The following AKAP6 variants were observed in gnomAD, a reference collection of about 807,000 sequenced individuals.
The protein encoded by AKAP6 is A-kinase anchoring protein 6.
A neutral mutation model predicts 188.5 loss-of-function variants in AKAP6; 58 were observed. The ratio of observed to expected loss-of-function variants is 0.31; its 90% CI spans 0.25 to 0.38. The LOEUF is 0.38. Among genes scored for constraint, AKAP6 ranks in the 10% least tolerant of loss-of-function variants. The probability of loss-of-function intolerance (pLI) is 1.00; values close to 1 mark genes in which losing one functional copy is unlikely to be tolerated. For synonymous variants in AKAP6, 989 were observed against 998.6 expected (o/e 0.99, Z 0.18); for missense variants, 2,710 against 2,740.0 (o/e 0.99, Z 0.24).
chr14:32,331,692 G>GGTGT (rs3837670), intron 1 of AKAP6, among the ~76,000 whole-genome samples: 3 of 151,610 alleles, frequency 2.0e-5, no homozygotes, highest in Non-Finnish European at 4.4e-5. Flanking sequence ...AGGGGTAGAT[G>GGTGT]GTGTGTGTGT....
At chr14:32,456,256 T>G (rs1443347369) in intron 2 of AKAP6, among the ~76,000 whole-genome samples, 1 of 152,224 alleles carries the variant, frequency 6.6e-6, no homozygotes, top group Non-Finnish European at 1.5e-5. Flanking sequence ...ATTTTAATGC[T>G]GAGCAGTCTT....
chr14:32,684,188 C>T (rs986727903), intron 8 of AKAP6, among the ~76,000 whole-genome samples: 1 of 138,820 alleles, frequency 7.2e-6, no homozygotes, highest in Non-Finnish European at 1.5e-5. Context: ...ACATTAAGGA[C>T]AGTGTGGTAA....
chr14:32,498,491 T>C (rs571216590), intron 2 of AKAP6, among the ~76,000 whole-genome samples: 1 of 152,310 alleles, frequency 6.6e-6, no homozygotes, highest in African/African-American at 2.4e-5. Flanking sequence ...TTCTTTATAT[T>C]AAGGGAAAAT....
At chr14:32,331,471 G>A (rs1320217008) in intron 1 of AKAP6, among the ~76,000 whole-genome samples, 1 of 151,992 alleles carries the variant, frequency 6.6e-6, no homozygotes, top group Non-Finnish European at 1.5e-5. Flanking sequence ...CCCCGCAAAT[G>A]TTCAAAATGC....
chr14:32,585,855 A>G (rs1430100584), intron 5 of AKAP6, among the ~76,000 whole-genome samples: 1 of 152,030 alleles, frequency 6.6e-6, no homozygotes, highest in African/African-American at 2.4e-5. Context: ...GCTTGGTGAG[A>G]GAGGTATGGT....
intron 12 of AKAP6, among the ~76,000 whole-genome samples, chr14:32,803,828 A>G (rs1386217929): frequency 6.6e-6 from 1 of 152,202 alleles, no homozygotes; most frequent in Non-Finnish European, 1.5e-5. Flanking sequence ...GTCAAAAACA[A>G]AACTGCTGAT....
intron 1 of AKAP6, among the ~76,000 whole-genome samples, chr14:32,337,237 T>C (rs919495778): frequency 6.6e-6 from 1 of 152,166 alleles, no homozygotes; most frequent in Non-Finnish European, 1.5e-5. Flanking sequence ...TTTAGGGTTA[T>C]TGGTACATTT....
At chr14:32,422,976 A>C (rs1889902298) in intron 1 of AKAP6, among the ~76,000 whole-genome samples, 1 of 152,140 alleles carries the variant, frequency 6.6e-6, no homozygotes, top group Admixed American at 6.6e-5. Flanking sequence ...TGAGTTGGTT[A>C]AGTCATTTAT....
chr14:32,781,348 CAAA>C (rs34848067), intron 12 of AKAP6, among the ~76,000 whole-genome samples: 6 of 117,198 alleles, frequency 5.1e-5, no homozygotes, highest in Admixed American at 1.8e-4. Flanking sequence ...AACTTACTCT[CAAA>C]AAAAAAAAAA....
In AKAP6 at chr14:32,516,140, A is replaced by G. The variant is rs534818448; in HGVS notation, c.325-19414A>G. ...TTTCTTTGGTATATCATTGATGACT[A>G]TCTTCAGTGATTTTTGTCCTTTTTG... On this transcript the variant is annotated intron_variant, in intron 2 of 13. Transcript: ENST00000280979. Among the ~76,000 whole-genome samples, 15 of 152,294 alleles carry G rather than the reference A, an allele frequency of 9.8e-5. No homozygotes were observed. The South Asian group carries it at 3.1e-3, about 32-fold the overall frequency.
chr14:32,513,140 G>C (rs1486131103), intron 2 of AKAP6, among the ~76,000 whole-genome samples: 1 of 152,100 alleles, frequency 6.6e-6, no homozygotes, highest in African/African-American at 2.4e-5. Flanking sequence ...TCAAGTGATG[G>C]AAACTGTCCA....
At chr14:32,565,625 A>C (rs1884150024) in intron 4 of AKAP6, among the ~76,000 whole-genome samples, 2 of 152,220 alleles carry the variant, frequency 1.3e-5, no homozygotes, top group Non-Finnish European at 2.9e-5. Context: ...TGAGTCTTCT[A>C]AGAAGCCAAT....
chr14:32,689,526 G>T (rs1050770224), intron 8 of AKAP6, among the ~76,000 whole-genome samples: 1 of 152,110 alleles, frequency 6.6e-6, no homozygotes, highest in Non-Finnish European at 1.5e-5. Flanking sequence ...AAGGCAGGCT[G>T]CTTTTCTCAT....
chr14:32,656,503 G>A (rs1284965654), intron 7 of AKAP6, among the ~76,000 whole-genome samples: 3 of 152,142 alleles, frequency 2.0e-5, no homozygotes, highest in Non-Finnish European at 2.9e-5. Flanking sequence ...ACTCACCTGG[G>A]AAACTAAGAT....
At chr14:32,462,565 T>C (rs1399782744) in intron 2 of AKAP6, among the ~76,000 whole-genome samples, 1 of 151,946 alleles carries the variant, frequency 6.6e-6, no homozygotes, top group Non-Finnish European at 1.5e-5. Flanking sequence ...TTATAAGAGC[T>C]CCTCAAGGAA....
intron 1 of AKAP6, among the ~76,000 whole-genome samples, chr14:32,422,537 A>G (rs1889885132): frequency 6.6e-6 from 1 of 152,136 alleles, no homozygotes; most frequent in Admixed American, 6.6e-5. Flanking sequence ...GAATACCACC[A>G]ATTTGGGAAG....
intron 11 of AKAP6, among the ~76,000 whole-genome samples, chr14:32,736,130 T>C (rs2031411619): frequency 6.6e-6 from 1 of 152,086 alleles, no homozygotes; most frequent in African/African-American, 2.4e-5. Context: ...GCAATGCTTG[T>C]TGAGGGAGGA....
At chr14:32,767,175 T>C (rs549317886) in intron 11 of AKAP6, among the ~76,000 whole-genome samples, 2 of 152,326 alleles carry the variant, frequency 1.3e-5, no homozygotes, top group African/African-American at 4.8e-5. Flanking sequence ...AAGTCTTTTA[T>C]GGCATAAATT....
At chr14:32,747,185 T>G (rs753086470) in intron 11 of AKAP6, among the ~76,000 whole-genome samples, 2 of 152,190 alleles carry the variant, frequency 1.3e-5, no homozygotes, top group African/African-American at 2.4e-5. Flanking sequence ...TCATAAGTAA[T>G]CTCACTTCCT....
Sources: gnomAD v4.1 joint callset for allele counts (sites outside exome capture counted in the v4.1 genomes callset) on GRCh38, gnomAD v4.1.1 for gene constraint, MANE v1.5 for transcripts, NCBI Gene and HGNC (gene_info 2026-07-23, HGNC 2026-07-21) for gene names.